The following GULP1 variants were observed in gnomAD, a reference collection of about 807,000 sequenced individuals.
The protein encoded by GULP1 is GULP PTB domain containing engulfment adaptor 1.
Under a neutral mutation model 40.9 loss-of-function variants are expected in GULP1, and 19 were observed. That is an observed-to-expected ratio of 0.46 (90% CI 0.32 to 0.68). The LOEUF (loss-of-function observed/expected upper bound fraction) is 0.68, where lower values mean the gene tolerates loss of function less well. Among genes scored for constraint, GULP1 ranks in the 30% least tolerant of loss-of-function variants. The probability of loss-of-function intolerance (pLI) is 0.03; values close to 1 mark genes in which losing one functional copy is unlikely to be tolerated. For missense variants in GULP1, 312 were observed against 362.2 expected, an observed-to-expected ratio of 0.86 and a Z score of 1.12; for synonymous variants, 119 against 117.6, an observed-to-expected ratio of 1.01 and a Z score of -0.08.
intron 1 of GULP1, among the ~76,000 whole-genome samples, chr2:188,314,003 A>T (rs955516313): frequency 4.2e-5 from 6 of 142,216 alleles, no homozygotes; most frequent in Non-Finnish European, 9.0e-5. Context: ...AAGGAAAATT[A>T]AAAAAAAAAC....
At chr2:188,507,654 C>A (rs1352681035) in intron 4 of GULP1, among the ~76,000 whole-genome samples, 3 of 151,786 alleles carry the variant, frequency 2.0e-5, no homozygotes, top group African/African-American at 7.3e-5. Context: ...GCATTATTAT[C>A]AAGGAACTGA....
intron 6 of GULP1, among the ~76,000 whole-genome samples, chr2:188,534,894 A>G (rs1409202781): frequency 1.3e-5 from 2 of 152,000 alleles, no homozygotes; most frequent in African/African-American, 2.4e-5. Flanking sequence ...TCAACTCAAC[A>G]TGATTAGCCA....
chr2:188,412,237 A>G (rs973253678), intron 2 of GULP1, among the ~76,000 whole-genome samples: 1 of 152,124 alleles, frequency 6.6e-6, no homozygotes, highest in South Asian at 2.1e-4. Flanking sequence ...TTATAAAACC[A>G]TCAGATCTCG....
chr2:188,409,277 A>G (rs2053558821), intron 2 of GULP1, among the ~76,000 whole-genome samples: 1 of 152,168 alleles, frequency 6.6e-6, no homozygotes, highest in Admixed American at 6.5e-5. Context: ...AGGAGAAACT[A>G]CAACTGATAC....
intron 1 of GULP1, among the ~76,000 whole-genome samples, chr2:188,301,890 T>C (rs1168834998): frequency 1.3e-5 from 2 of 152,064 alleles, no homozygotes; most frequent in Non-Finnish European, 2.9e-5. Flanking sequence ...GCAGAAAAAA[T>C]ATAAAACCTT....
At chr2:188,529,337 A>G (rs2153233309) in intron 6 of GULP1, 142 bp downstream of exon 6, 1 of 500,654 alleles carries the variant, frequency 2.0e-6, no homozygotes, top group Admixed American at 4.1e-5. Flanking sequence ...GGAGTTTTAG[A>G]AGTGAAAACA....
At chr2:188,543,211 A>T (rs1691007873) in intron 7 of GULP1, among the ~76,000 whole-genome samples, 1 of 152,180 alleles carries the variant, frequency 6.6e-6, no homozygotes, top group Non-Finnish European at 1.5e-5. Context: ...AAATAAAAAA[A>T]GATTGAAAAT....
At chr2:188,336,953 GCCTTTGTTA>G (rs1407005830) in intron 1 of GULP1, among the ~76,000 whole-genome samples, 2 of 152,052 alleles carry the variant, frequency 1.3e-5, no homozygotes, top group African/African-American at 4.8e-5. Flanking sequence ...TATCTTTGAT[GCCTTTGTTA>G]CCTTTGACAC....
At chr2:188,472,989 T>C (rs1452065277) in intron 2 of GULP1, among the ~76,000 whole-genome samples, 1 of 152,186 alleles carries the variant, frequency 6.6e-6, no homozygotes, top group African/African-American at 2.4e-5. Flanking sequence ...TGTATCTGCT[T>C]TGGGGGGGAC....
intron 2 of GULP1, among the ~76,000 whole-genome samples, chr2:188,421,052 A>G (rs946027470): frequency 6.6e-6 from 1 of 152,146 alleles, no homozygotes; most frequent in Non-Finnish European, 1.5e-5. Flanking sequence ...TGGAAGTCCT[A>G]GTCAGAGCAC....
At chr2:188,383,556 T>A (rs1407490095) in intron 1 of GULP1, among the ~76,000 whole-genome samples, 1 of 152,226 alleles carries the variant, frequency 6.6e-6, no homozygotes. Context: ...CTACAAATCT[T>A]GCTATTTTCC....
intron 10 of GULP1, among the ~76,000 whole-genome samples, chr2:188,585,626 T>G (rs78410480): frequency 6.6e-6 from 1 of 152,184 alleles, no homozygotes; most frequent in South Asian, 2.1e-4. Flanking sequence ...TCTTGGCCCC[T>G]TTTAGCCATG....
At chr2:188,364,873 TACACAC>T (rs34440863) in intron 1 of GULP1, among the ~76,000 whole-genome samples, 1 of 149,546 alleles carries the variant, frequency 6.7e-6, no homozygotes, top group South Asian at 2.1e-4. Flanking sequence ...CACACACATA[TACACAC>T]ACACACACAC....
At position 188,420,249 on chromosome 2, in the gene GULP1, G is replaced by A. The variant is rs148629812; in HGVS notation, c.-45+36360G>A. 1.1e-3 allele frequency among the ~76,000 whole-genome samples: 167 copies of A among 152,242 alleles called. 1 individual carries two copies. The highest frequency in any genetic ancestry group is 6.5e-3 in the East Asian group (34 of 5,194). ...CTATTGGGATTTTAATCAGAATTGC[G>A]TTGAATGTGTAGATTACTTTGAGTA... is the stretch of plus-strand genomic sequence containing the variant. On this transcript the variant is annotated intron_variant, in intron 2 of 11. Transcript: ENST00000409830.
At chr2:188,312,683 A>G (rs901476314) in intron 1 of GULP1, among the ~76,000 whole-genome samples, 19 of 152,146 alleles carry the variant, frequency 1.2e-4, no homozygotes, top group African/African-American at 4.6e-4. Flanking sequence ...TGCTGGGTCA[A>G]ATGCTATTTC....
chr2:188,469,758 A>G (rs2060436131), intron 2 of GULP1, among the ~76,000 whole-genome samples: 1 of 152,144 alleles, frequency 6.6e-6, no homozygotes, highest in African/African-American at 2.4e-5. Flanking sequence ...GGTTTTTATC[A>G]TGAAAGATGT....
chr2:188,477,888 C>T (rs1241033944), intron 3 of GULP1, among the ~76,000 whole-genome samples, 158 bp downstream of exon 3: 2 of 152,128 alleles, frequency 1.3e-5, no homozygotes, highest in East Asian at 3.9e-4. Context: ...TGCTAATTAG[C>T]TTTCCTTAGT....
intron 2 of GULP1, among the ~76,000 whole-genome samples, chr2:188,476,838 G>C (rs4473353): frequency 1.2e-4 from 18 of 152,160 alleles, no homozygotes; most frequent in Admixed American, 1.2e-3. Context: ...TTTCTTCTTA[G>C]ACCTTAATGT....
chr2:188,349,627 A>G (rs927234441), intron 1 of GULP1, among the ~76,000 whole-genome samples: 2 of 152,094 alleles, frequency 1.3e-5, no homozygotes, highest in African/African-American at 4.8e-5. Context: ...CAGATGTATG[A>G]TTTGCAAATA....
Sources: gnomAD v4.1 joint callset for allele counts (sites outside exome capture counted in the v4.1 genomes callset) on GRCh38, gnomAD v4.1.1 for gene constraint, MANE v1.5 for transcripts, NCBI Gene and HGNC (gene_info 2026-07-23, HGNC 2026-07-21) for gene names.